Variants in TRERF1 observed in about 807,000 individuals in gnomAD.
The protein encoded by TRERF1 is transcriptional-regulating factor 1.
In TRERF1, 27 loss-of-function variants were observed where a neutral mutation model predicts 122.9. The observed-to-expected ratio is 0.22, with a 90% CI of 0.16 to 0.30. TRERF1 has a LOEUF of 0.30. Ranked by LOEUF, TRERF1 falls within the 10% of genes least tolerant of loss-of-function variation. The pLI is 1.00. For missense variants in TRERF1, 1,248 were observed against 1,560.3 expected (o/e 0.80, Z 3.37); for synonymous variants, 636 against 641.7 (o/e 0.99, Z 0.13).
At chr6:42,389,330 C>CA (rs749142426) in intron 2 of TRERF1, among the ~76,000 whole-genome samples, 1 of 152,192 alleles carries the variant, frequency 6.6e-6, no homozygotes, top group African/African-American at 2.4e-5. Context: ...CCTAGAGAGA[C>CA]ATTCTATTGC....
intron 17 of TRERF1, among the ~76,000 whole-genome samples, chr6:42,231,201 G>A (rs1052707139): frequency 6.6e-6 from 1 of 152,160 alleles, no homozygotes; most frequent in Non-Finnish European, 1.5e-5. Flanking sequence ...TCAACCTCTT[G>A]CTCTCTCTCC....
At chr6:42,249,105 C>T (rs1458759427) in intron 13 of TRERF1, among the ~76,000 whole-genome samples, 1 of 152,196 alleles carries the variant, frequency 6.6e-6, no homozygotes, top group African/African-American at 2.4e-5. Flanking sequence ...CTCACACAAG[C>T]TTACACAGAG....
intron 3 of TRERF1, among the ~76,000 whole-genome samples, chr6:42,326,430 C>T (rs1238107689): frequency 6.6e-6 from 1 of 152,174 alleles, no homozygotes; most frequent in East Asian, 1.9e-4. Context: ...CTTGTGAGGG[C>T]ATGTTTGGTT....
chr6:42,347,525 G>T (rs531383906), intron 3 of TRERF1, among the ~76,000 whole-genome samples: 6 of 152,234 alleles, frequency 3.9e-5, no homozygotes, highest in East Asian at 1.9e-4. Flanking sequence ...TGTACTGAGA[G>T]AATGTAGATA....
At chr6:42,416,656 TG>T (rs757287052) in intron 2 of TRERF1, among the ~76,000 whole-genome samples, 158 of 152,224 alleles carry the variant, frequency 1.0e-3, no homozygotes, top group Non-Finnish European at 1.6e-3. Context: ...TGTGCACACC[TG>T]TTTTTTTGTC....
intron 2 of TRERF1, among the ~76,000 whole-genome samples, chr6:42,429,003 G>T (rs1784078851): frequency 2.0e-5 from 3 of 152,186 alleles, no homozygotes; most frequent in Admixed American, 2.0e-4. Context: ...TGTGGTTGGA[G>T]ACTTGACTCC....
At chr6:42,243,641 C>T (rs9767636) in intron 14 of TRERF1, among the ~76,000 whole-genome samples, 2,825 of 150,236 alleles carry the variant, frequency 0.019, 87 homozygotes, top group African/African-American at 0.064. Flanking sequence ...AGTGCAGTGG[C>T]GCAATCTCGG....
chr6:42,298,140 T>G (rs965002913), intron 4 of TRERF1, among the ~76,000 whole-genome samples: 11 of 151,872 alleles, frequency 7.2e-5, no homozygotes, highest in African/African-American at 9.7e-5. Flanking sequence ...AGTTGTTGTT[T>G]TTTTTTGTTT....
chr6:42,304,934 T>C (rs1307303675), intron 3 of TRERF1, among the ~76,000 whole-genome samples: 4 of 152,262 alleles, frequency 2.6e-5, no homozygotes, highest in East Asian at 3.9e-4. Flanking sequence ...TCCACCATAA[T>C]GATTAGGGTC....
At chr6:42,408,257 A>G (rs200165195) in intron 2 of TRERF1, among the ~76,000 whole-genome samples, 1,513 of 87,192 alleles carry the variant, frequency 0.017, 26 homozygotes, top group African/African-American at 0.068. Context: ...ATACATACAC[A>G]TGTGTGTGTA....
At chr6:42,264,920 A>G (rs1238009984) in intron 6 of TRERF1, 66 bp from the exon 7 acceptor site, 2 of 1,564,082 alleles carry the variant, frequency 1.3e-6, no homozygotes, top group Middle Eastern at 1.7e-4. Flanking sequence ...GTGACTTGCC[A>G]CAAGACCTCA....
At chr6:42,226,504 G>T (rs1160579559) in exon 18 of TRERF1, 2 of 151,336 alleles carry the variant, frequency 1.3e-5, no homozygotes, top group East Asian at 3.9e-4. Flanking sequence ...GGATAAAACA[G>T]GATAGCATAA....
intron 2 of TRERF1, among the ~76,000 whole-genome samples, chr6:42,375,177 C>T (rs94776): frequency 0.18 from 27,620 of 151,936 alleles, 5,004 homozygotes; most frequent in African/African-American, 0.47. Context: ...CACAATGGGG[C>T]GCCAACAAAG....
intron 4 of TRERF1, among the ~76,000 whole-genome samples, chr6:42,292,453 C>A (rs2150157736): frequency 6.6e-6 from 1 of 152,218 alleles, no homozygotes; most frequent in East Asian, 1.9e-4. Context: ...CAATGATGAT[C>A]CAGAGACATC....
exon 3 of TRERF1, chr6:42,363,012 G>C (rs970984419): frequency 6.5e-6 from 1 of 153,704 alleles, no homozygotes; most frequent in Non-Finnish European, 1.5e-5. Flanking sequence ...TGAGGATGAA[G>C]AGGCTGAATC....
chr6:42,253,577 C>T (rs1226310169), intron 13 of TRERF1, among the ~76,000 whole-genome samples: 1 of 152,142 alleles, frequency 6.6e-6, no homozygotes, highest in Non-Finnish European at 1.5e-5. Context: ...AAGAAGCTGG[C>T]TCCTTTAGGC....
At chr6:42,374,151 AAGAAGAAGAAG>A (rs1443093417) in intron 2 of TRERF1, among the ~76,000 whole-genome samples, 6 of 90,276 alleles carry the variant, frequency 6.6e-5, no homozygotes, top group African/African-American at 2.3e-4. Flanking sequence ...AAAAAAAAAA[AAGAAGAAGAAG>A]AAGAAGAAGA....
At chr6:42,340,038 T>G (rs1213429114) in intron 3 of TRERF1, among the ~76,000 whole-genome samples, 2 of 152,112 alleles carry the variant, frequency 1.3e-5, no homozygotes, top group Admixed American at 1.3e-4. Context: ...ACCACGTCTT[T>G]CCACCCTGCA....
chr6:42,265,695 ACC>A, intron 6 of TRERF1, 54 bp downstream of exon 6: 6 of 1,533,892 alleles, frequency 3.9e-6, no homozygotes, highest in Non-Finnish European at 5.4e-6. Context: ...CATGAGAGAC[ACC>A]CCAGAAAATC....
Sources: allele counts gnomAD v4.1 joint callset (sites outside exome capture counted in the v4.1 genomes callset), GRCh38; gene constraint gnomAD v4.1.1; transcripts MANE v1.5; gene names NCBI Gene and HGNC (gene_info 2026-07-23, HGNC 2026-07-21).